Variants in LRP1 observed in about 807,000 individuals in gnomAD.
The protein encoded by LRP1 is LDL receptor related protein 1, also known as prolow-density lipoprotein receptor-related protein 1.
A neutral mutation model predicts 541.5 loss-of-function variants in LRP1; 51 were observed. That is an observed-to-expected ratio of 0.09 (90% CI 0.08 to 0.12). The LOEUF (loss-of-function observed/expected upper bound fraction) is 0.12. Among genes scored for constraint, LRP1 ranks in the 10% least tolerant of loss-of-function variants. The pLI, the probability that LRP1 is intolerant of heterozygous loss-of-function variation, is 1.00. For missense variants in LRP1, 3,878 were observed against 6,376.2 expected (o/e 0.61, Z 13.34); for synonymous variants, 2,219 against 2,470.8 (o/e 0.90, Z 3.02).
In LRP1 at chr12:57,154,714, C is replaced by T. The variant is rs1185378595; in HGVS notation, c.1227+13C>T. 6.4e-7 allele frequency: 1 copy of T among 1,552,358 alleles called. No individual in the cohort carries two copies. Among genetic ancestry groups the T allele is most frequent in the Non-Finnish European group, 8.7e-7 (1 of 1,147,104 alleles). ...CCAGGGCATCCTGGTGAGGGAGCTA[C>T]TGTCTGAGGTTTTGTGGGGGAACCA... On this transcript the variant is annotated intron_variant, in intron 8 of 88. Coordinates refer to ENST00000243077, the MANE Select transcript of LRP1 (RefSeq NM_002332.3). This position sits in a 1 kb window ranked among gnomAD's most constrained non-coding sequence, Gnocchi z 4.6.
At position 57,162,784 on chromosome 12, in the gene LRP1, T is replaced by C; in HGVS notation, c.2405-74T>C. 2.0e-6 allele frequency: 3 copies of C among 1,478,724 alleles called. No individual in the cohort carries two copies. Among genetic ancestry groups the C allele is most frequent in the Non-Finnish European group, 2.7e-6 (3 of 1,092,418 alleles). The allele number at this position is 1,478,724 out of a possible 1,614,324, so 91.6% of individuals were successfully genotyped here. ...TTCTGTCCCCACATCTTAATGTGTC[T>C]CCTCCCCTATCCCTTCTCTGACCTC... is the stretch of plus-strand genomic sequence containing the variant. On this transcript the variant is annotated intron_variant, in intron 14 of 88. Coordinates refer to ENST00000243077, the MANE Select transcript of LRP1 (RefSeq NM_002332.3). The surrounding 1 kb of genome is among the most constrained non-coding windows in gnomAD (Gnocchi z 5.2).
Position 57,200,826 on chromosome 12 carries a change from G to GGGGGGGGC in LRP1, c.10225+11_10225+12insGGGGGGGC, listed in dbSNP as rs1592656966. 69 of 1,580,612 alleles carry GGGGGGGGC rather than the reference G, an allele frequency of 4.4e-5. No homozygotes were observed. The highest frequency in any genetic ancestry group is 5.7e-5 in the Non-Finnish European group (66 of 1,156,934). ...ACGAGGCCAACTGTGGTAAGGCGCT[G>GGGGGGGGC]CCCGCCCACCCTCCCTCCTTCCCCA... On this transcript the variant is annotated intron_variant, in intron 64 of 88. Transcript: ENST00000243077.
At chr12:57,167,122 C>CAACTGGCCACACAACTTTTCCT in intron 18 of LRP1, 76 bp downstream of exon 18, 1 of 1,243,406 alleles carries the variant, frequency 8.0e-7, no homozygotes, top group Non-Finnish European at 1.2e-6. Context: ...TTGGGGGTGC[C>CAACTGGCCACACAACTTTTCCT]GGAGACACCT....
intron 6 of LRP1, chr12:57,149,778 G>GA: frequency 1.4e-6 from 1 of 708,714 alleles, no homozygotes; most frequent in South Asian, 1.5e-5. Context: ...GACCCAGCAG[G>GA]AAACAAGGAG....
chr12:57,149,059 G>A, intron 6 of LRP1: 1 of 589,956 alleles, frequency 1.7e-6, no homozygotes, highest in Non-Finnish European at 3.0e-6. Flanking sequence ...GCAGACAGCA[G>A]TCCCTCTGAG....
chr12:57,147,776 G>A (rs913228211), intron 6 of LRP1, among the ~76,000 whole-genome samples: 5 of 152,216 alleles, frequency 3.3e-5, no homozygotes, highest in Admixed American at 6.5e-5. Flanking sequence ...GTTCACATGT[G>A]TCCTGGGCCA....
chr12:57,175,778 C>A, intron 23 of LRP1, 73 bp downstream of exon 23: 1 of 1,548,192 alleles, frequency 6.5e-7, no homozygotes. Context: ...GGCTTGGTGG[C>A]CAGGTGCCAA....
At chr12:57,191,197 TA>T (rs1158609790) in intron 43 of LRP1, 122 bp from the exon 44 acceptor site, 6 of 1,148,416 alleles carry the variant, frequency 5.2e-6, no homozygotes, top group Non-Finnish European at 7.4e-6. Context: ...ACGAGGGAGA[TA>T]GCAGGATGCC....
chr12:57,144,748 C>T lies in LRP1; in HGVS notation c.449-224C>T, dbSNP rs2035364490. On this transcript the variant is annotated intron_variant, in intron 4 of 88. Transcript: ENST00000243077. ...CCATAGTAGGGACTCAATAAATCTT[C>T]CCTGCGTGGATGAGTGATATGTACA... is the stretch of plus-strand genomic sequence containing the variant. 1.1e-5 allele frequency: 6 copies of T among 570,566 alleles called. No homozygotes were observed. In the South Asian group the frequency reaches 1.3e-4, roughly 12 times the overall value. 35.3% of individuals were successfully genotyped at this position (570,566 alleles called of 1,614,324 possible). A position where few individuals can be genotyped will look rare whatever the true frequency, so the allele number is the denominator to read the frequency against.
rs757159261 is a variant in LRP1, at chr12:57,205,418, C to T, written c.11403C>T (p.Thr3801=). The change falls in exon 74 of 89, where the codon ACC becomes ACT. Residue 3801 remains threonine, a synonymous_variant. Coordinates refer to ENST00000243077, the MANE Select transcript of LRP1 (RefSeq NM_002332.3). The surrounding 1 kb of genome is among the most constrained non-coding windows in gnomAD (Gnocchi z 4.6). ...GGGACGAGGCACGCTGCGTGCGCAC[C>T]GAGAAAGCGGCCTACTGTGCCTGCC... ...ICGDEARCVR[T]EKAAYCACRS... is the part of the protein sequence containing the mutation. 7 of 1,609,128 alleles carry T rather than the reference C, an allele frequency of 4.4e-6. No homozygotes were observed. The highest frequency in any genetic ancestry group is 2.7e-5 in the African/African-American group (2 of 74,930).
In LRP1 at chr12:57,210,185, C is replaced by T. The variant is rs1206526400; in HGVS notation, c.12580+16C>T. The T allele has an allele frequency of 1.3e-6, 2 of 1,578,798 alleles. No individual in the cohort carries two copies. Among genetic ancestry groups the T allele is most frequent in the East Asian group, 2.2e-5 (1 of 44,502 alleles). On this transcript the variant is annotated intron_variant, in intron 81 of 88. Coordinates refer to ENST00000243077, the MANE Select transcript of LRP1 (RefSeq NM_002332.3). ...CCCCCAGATGGTATGCTTATGCCCT[C>T]CCAGTCCCAGCCATGCCTCAGGACC...
intron 1 of LRP1, among the ~76,000 whole-genome samples, chr12:57,134,442 T>C (rs1041026462): frequency 3.1e-4 from 47 of 152,160 alleles, no homozygotes; most frequent in African/African-American, 1.1e-3. Context: ...CCCTTCCTTG[T>C]TTTTTGTTTT....
Position 57,183,747 on chromosome 12 carries a change from A to T in LRP1, c.5795-28A>T, listed in dbSNP as rs1320428611. ...TCACCTTACCCCTGCCTTATTGGGC[A>T]TCCCCATGTCACCTCCTCCACCTCC... On this transcript the variant is annotated intron_variant, in intron 35 of 88. Transcript: ENST00000243077. The surrounding 1 kb of genome is among the most constrained non-coding windows in gnomAD (Gnocchi z 6.1). 6.2e-7 allele frequency: 1 copy of T among 1,613,062 alleles called. No individual in the cohort carries two copies. The highest frequency in any genetic ancestry group is 1.1e-5 in the South Asian group (1 of 91,084).
At position 57,162,587 on chromosome 12, in the gene LRP1, A is replaced by C. The variant is rs2035759148; in HGVS notation, c.2404+69A>C. On this transcript the variant is annotated intron_variant, in intron 14 of 88. Transcript: ENST00000243077. This position sits in a 1 kb window ranked among gnomAD's most constrained non-coding sequence, Gnocchi z 5.2. ...GGTGGGACTTAGGCATTGATTTGAG[A>C]CTTCCCTGGGAGTGAAGGCACTTCC... 8.3e-6 allele frequency: 13 copies of C among 1,568,184 alleles called. No individual in the cohort carries two copies. The highest frequency in any genetic ancestry group is 3.5e-6 in the Non-Finnish European group (4 of 1,147,084).
At chr12:57,202,909 C>T in intron 68 of LRP1, 1 of 571,598 alleles carries the variant, frequency 1.7e-6, no homozygotes, top group South Asian at 2.3e-5. Context: ...TGCCCCCGCT[C>T]CCCTCCCCAA....
At position 57,178,777 on chromosome 12, in the gene LRP1, A is replaced by C; in HGVS notation, c.4607-113A>C. 3 of 1,507,838 alleles carry C rather than the reference A, an allele frequency of 2.0e-6. No homozygotes were observed. The highest frequency in any genetic ancestry group is 2.5e-5 in the South Asian group (2 of 79,204). The allele number at this position is 1,507,838 out of a possible 1,614,324, so 93.4% of individuals were successfully genotyped here. A position where few individuals can be genotyped will look rare whatever the true frequency, so the allele number is the denominator to read the frequency against. On this transcript the variant is annotated intron_variant, in intron 27 of 88. Transcript: ENST00000243077. This position sits in a 1 kb window ranked among gnomAD's most constrained non-coding sequence, Gnocchi z 5.8. ...GTCTAGCAGCAGAGAAGGGTCTAGT[A>C]GTAGCGGCTGCTGGAACAGGGGGAG...
chr12:57,208,491 C>T, intron 77 of LRP1: 4 of 590,548 alleles, frequency 6.8e-6, no homozygotes, highest in South Asian at 4.2e-5. Context: ...AACAGCTCTG[C>T]CAGCGTCGGT....
rs557140726 is a variant in LRP1, at chr12:57,206,844, C to A, written c.11859+103C>A. On this transcript the variant is annotated intron_variant, in intron 76 of 88. Coordinates refer to ENST00000243077, the MANE Select transcript of LRP1 (RefSeq NM_002332.3). The surrounding 1 kb of genome is among the most constrained non-coding windows in gnomAD (Gnocchi z 4.7). ...AGTGCTGGCTAGGCGCAGTGGCTCA[C>A]GCCTATAATCCCAGCACTTTGGGAG... 5 of 1,334,628 alleles carry A rather than the reference C, an allele frequency of 3.7e-6. No homozygotes were observed. The East Asian group carries it at 7.3e-5, about 19-fold the overall frequency. The allele number at this position is 1,334,628 out of a possible 1,614,324, so 82.7% of individuals were successfully genotyped here. A position where few individuals can be genotyped will look rare whatever the true frequency, so the allele number is the denominator to read the frequency against.
In LRP1 at chr12:57,208,773, C is replaced by T; in HGVS notation, c.12101C>T (p.Thr4034Met). The stretch of plus-strand genomic sequence containing the variant: ...ATTGAGACGGCAGCGATGGATGGGA[C>T]GCTTCGGGAGACACTGGTGCAGGAC... ...PKIETAAMDG[T>M]LRETLVQDNI... is the part of the protein sequence containing the mutation. The change falls in exon 78 of 89, where the codon ACG (threonine) becomes ATG (methionine). Residue 4034 changes from threonine to methionine, a missense_variant. This residue lies in a region of LRP1 where 871 missense variants were observed against 1,212.4 expected (regional missense o/e 0.72). Transcript: ENST00000243077. 2 of 1,614,036 alleles carry T rather than the reference C, an allele frequency of 1.2e-6. No individual in the cohort carries two copies. The highest frequency in any genetic ancestry group is 1.7e-6 in the Non-Finnish European group (2 of 1,179,986).
Sources: allele counts gnomAD v4.1 joint callset (sites outside exome capture counted in the v4.1 genomes callset), GRCh38; gene constraint gnomAD v4.1.1; regional missense constraint gnomAD v4.1.1; non-coding constraint Gnocchi (gnomAD v3.1); transcripts MANE v1.5; gene names NCBI Gene and HGNC (gene_info 2026-07-23, HGNC 2026-07-21).